HBP1: variants seen among roughly 807,000 people sequenced by gnomAD.
The protein encoded by HBP1 is HMG box-containing protein 1.
In HBP1, 20 loss-of-function variants were observed where a neutral mutation model predicts 62.6. That is an observed-to-expected ratio of 0.32 (90% CI 0.22 to 0.46). The LOEUF (loss-of-function observed/expected upper bound fraction) is 0.46. Ranked by LOEUF, HBP1 falls within the 20% of genes least tolerant of loss-of-function variation. The pLI is 1.00. For synonymous variants in HBP1, 232 were observed against 206.2 expected (o/e 1.12, Z -1.07); for missense variants, 480 against 611.8 (o/e 0.78, Z 2.27).
chr7:107,200,997 T>G (rs1376774387), intron 10 of HBP1: 1 of 156,412 alleles, frequency 6.4e-6, no homozygotes, highest in East Asian at 1.9e-4. Flanking sequence ...ATTTTTATAG[T>G]AGGAGGGCTG....
At chr7:107,173,211 T>C (rs1300826470) in intron 1 of HBP1, among the ~76,000 whole-genome samples, 1 of 152,228 alleles carries the variant, frequency 6.6e-6, no homozygotes, top group Non-Finnish European at 1.5e-5. Context: ...CCATTTAAAA[T>C]ACCTCAGTTT....
At position 107,189,391 on chromosome 7, in the gene HBP1, G is replaced by A; in HGVS notation, c.865G>A (p.Asp289Asn). The part of the protein sequence containing the change: ...KLTFDPGTVE[D>N]GLLTVECKLD... Reference sequence around the variant, plus strand: ...GACTTTTGATCCTGGTACAGTAGAAGATGGTTTACTTACCGTAGAGTGTAA... The same window carrying A: ...GACTTTTGATCCTGGTACAGTAGAAAATGGTTTACTTACCGTAGAGTGTAA... The change falls in exon 7 of 11, where the codon GAT becomes AAT. Residue 289 changes from aspartate to asparagine, a missense_variant. Transcript: ENST00000222574. 6.2e-7 allele frequency: 1 copy of A among 1,612,680 alleles called. No individual in the cohort carries two copies.
chr7:107,171,065 A>ATTTTTTTT lies in HBP1; in HGVS notation c.-16+1881_-16+1882insTTTTTTTT, dbSNP rs1361609045. Among the ~76,000 whole-genome samples, 4 of 66,764 alleles carry ATTTTTTTT rather than the reference A, an allele frequency of 6.0e-5. 1 individual carries two copies. Among genetic ancestry groups the ATTTTTTTT allele is most frequent in the African/African-American group, 5.7e-4 (4 of 7,058 alleles). 43.8% of individuals were successfully genotyped at this position (66,764 alleles called of 152,430 possible). On this transcript the variant is annotated intron_variant, in intron 1 of 10. Coordinates refer to ENST00000222574, the MANE Select transcript of HBP1 (RefSeq NM_012257.4). ...TGTATAAATATATATATATATATAT[A>ATTTTTTTT]TATATATATTTTTTTTTTTTTTTGA... is the stretch of plus-strand genomic sequence containing the variant.
intron 3 of HBP1, among the ~76,000 whole-genome samples, chr7:107,183,959 A>C (rs971742037): frequency 2.0e-5 from 3 of 152,202 alleles, no homozygotes; most frequent in African/African-American, 7.2e-5. Flanking sequence ...GTAAAAATTT[A>C]TATTACCCCT....
intron 8 of HBP1, among the ~76,000 whole-genome samples, chr7:107,193,703 A>T (rs1338522180): frequency 6.7e-6 from 1 of 148,874 alleles, no homozygotes; most frequent in Non-Finnish European, 1.5e-5. Flanking sequence ...AATCTAGAGA[A>T]GGAAATGGAT....
intron 1 of HBP1, among the ~76,000 whole-genome samples, chr7:107,174,042 T>G (rs1245657890): frequency 4.6e-5 from 7 of 152,220 alleles, no homozygotes; most frequent in Non-Finnish European, 7.3e-5. Context: ...GACCTTGCTT[T>G]CTTTCTTCAG....
chr7:107,172,209 C>A (rs1796633866), intron 1 of HBP1, among the ~76,000 whole-genome samples: 1 of 151,724 alleles, frequency 6.6e-6, no homozygotes, highest in Non-Finnish European at 1.5e-5. Flanking sequence ...AAGCTTTTCC[C>A]ACAAGTTTTT....
chr7:107,182,029 AATT>A (rs1435323374), intron 2 of HBP1, among the ~76,000 whole-genome samples: 1 of 152,134 alleles, frequency 6.6e-6, no homozygotes, highest in African/African-American at 2.4e-5. Flanking sequence ...TCATTATGGA[AATT>A]ATTGTTTATA....
intron 3 of HBP1, among the ~76,000 whole-genome samples, chr7:107,183,372 A>G (rs1797201055): frequency 6.6e-6 from 1 of 152,198 alleles, no homozygotes; most frequent in African/African-American, 2.4e-5. Context: ...ATTGCTAAAG[A>G]ATAAACTTAT....
chr7:107,177,004 G>A (rs564624176), intron 1 of HBP1, among the ~76,000 whole-genome samples: 1 of 152,258 alleles, frequency 6.6e-6, no homozygotes, highest in South Asian at 2.1e-4. Flanking sequence ...GGAGGAGACT[G>A]TTGAAACTGA....
chr7:107,195,768 C>G, intron 8 of HBP1, 66 bp from the exon 9 acceptor site: 1 of 723,462 alleles, frequency 1.4e-6, no homozygotes, highest in Non-Finnish European at 2.0e-6. Context: ...TTTTTTTAAC[C>G]TGCTTTTTAG....
chr7:107,192,676 T>A (rs1053833020), intron 8 of HBP1: 1 of 152,166 alleles, frequency 6.6e-6, no homozygotes, highest in Non-Finnish European at 1.5e-5. Flanking sequence ...CCTGCCTAAT[T>A]CCTGCTTTTC....
chr7:107,197,747 C>A (rs1797994043), intron 9 of HBP1, among the ~76,000 whole-genome samples: 1 of 152,162 alleles, frequency 6.6e-6, no homozygotes, highest in Non-Finnish European at 1.5e-5. Context: ...GGCAATTAAT[C>A]TTTAAGTTGT....
intron 9 of HBP1, among the ~76,000 whole-genome samples, chr7:107,197,880 T>C (rs952120552): frequency 2.0e-5 from 3 of 152,210 alleles, no homozygotes; most frequent in Admixed American, 6.5e-5. Context: ...TTTGTACCTT[T>C]CCCCTTGCTC....
intron 2 of HBP1, among the ~76,000 whole-genome samples, chr7:107,180,825 GTACTGGT>G (rs1174043486): frequency 6.6e-6 from 1 of 152,132 alleles, no homozygotes; most frequent in Non-Finnish European, 1.5e-5. Flanking sequence ...TATTTATTGA[GTACTGGT>G]TACTTTTGAG....
chr7:107,195,818 T>C lies in HBP1; in HGVS notation c.1068-16T>C. 3 of 1,205,492 alleles carry C rather than the reference T, an allele frequency of 2.5e-6. No individual in the cohort carries two copies. The highest frequency in any genetic ancestry group is 3.4e-6 in the Non-Finnish European group (3 of 890,158). The allele number at this position is 1,205,492 out of a possible 1,614,324, so 74.7% of individuals were successfully genotyped here. On this transcript the variant is annotated splice_polypyrimidine_tract_variant and intron_variant, in intron 8 of 10. Transcript: ENST00000222574. ...AAAATTGAATTAAAATATTATTATT[T>C]TTTTTAATTTTATAGCTATGACTTC... is the stretch of plus-strand genomic sequence containing the variant.
intron 3 of HBP1, among the ~76,000 whole-genome samples, chr7:107,184,534 G>A (rs1444434932): frequency 2.6e-5 from 4 of 151,988 alleles, no homozygotes; most frequent in Admixed American, 6.5e-5. Flanking sequence ...TTTTTGAGAC[G>A]GAGTCTTGCT....
chr7:107,189,934 TAGA>T, intron 7 of HBP1: 1 of 351,708 alleles, frequency 2.8e-6, no homozygotes. Context: ...TGCTGATTGA[TAGA>T]GGAGCTCTAT....
At chr7:107,196,811 A>T (rs1797928036) in intron 9 of HBP1, 1 of 153,460 alleles carries the variant, frequency 6.5e-6, no homozygotes, top group Non-Finnish European at 1.4e-5. Context: ...CACCCAGTTA[A>T]TTTTTGTATT....
Sources: allele counts gnomAD v4.1 joint callset (sites outside exome capture counted in the v4.1 genomes callset), GRCh38; gene constraint gnomAD v4.1.1; transcripts MANE v1.5; gene names NCBI Gene and HGNC (gene_info 2026-07-23, HGNC 2026-07-21).